The following DSCAM variants were observed in gnomAD, a reference collection of about 807,000 sequenced individuals.
DSCAM encodes DS cell adhesion molecule.
In DSCAM, 47 loss-of-function variants were observed where a neutral mutation model predicts 217.7. The ratio of observed to expected loss-of-function variants is 0.22; its 90% CI spans 0.17 to 0.28. DSCAM has a LOEUF of 0.28. DSCAM is among the 10% of genes least tolerant of loss of function. The pLI, the probability that DSCAM is intolerant of heterozygous loss-of-function variation, is 1.00. For missense variants in DSCAM, 2,080 were observed against 2,618.3 expected, an observed-to-expected ratio of 0.79 and a Z score of 4.49; for synonymous variants, 1,056 against 1,015.3, an observed-to-expected ratio of 1.04 and a Z score of -0.76.
At chr21:40,357,562 C>T (rs1363758680) in intron 4 of DSCAM, among the ~76,000 whole-genome samples, 1 of 152,116 alleles carries the variant, frequency 6.6e-6, no homozygotes, top group African/African-American at 2.4e-5. Flanking sequence ...AACACCATTG[C>T]AATATTGTTT....
intron 3 of DSCAM, among the ~76,000 whole-genome samples, chr21:40,476,429 A>G (rs1037200194): frequency 3.3e-5 from 5 of 152,226 alleles, no homozygotes; most frequent in African/African-American, 1.2e-4. Flanking sequence ...TGCATGCAAA[A>G]TGCACAGGTA....
chr21:40,757,059 C>T (rs2146574636), intron 1 of DSCAM, among the ~76,000 whole-genome samples: 1 of 152,006 alleles, frequency 6.6e-6, no homozygotes, highest in South Asian at 2.1e-4. Context: ...GAGTCTTGCT[C>T]TGTTGCCCAG....
At chr21:40,030,573 A>G (rs936669103) in intron 32 of DSCAM, among the ~76,000 whole-genome samples, 3 of 152,178 alleles carry the variant, frequency 2.0e-5, no homozygotes, top group African/African-American at 7.2e-5. Flanking sequence ...AGGGATCAAG[A>G]GTTCCCTCTG....
Position 40,720,373 on chromosome 21 carries a change from G to A in DSCAM, c.44-11602C>T, listed in dbSNP as rs559531700. On this transcript the variant is annotated intron_variant, in intron 1 of 32. Transcript: ENST00000400454. ...ATGCTTAGAAATTCAGTGTCATCTC[G>A]ATCAGACAATCACAAATCAGTTAAA... is the stretch of plus-strand genomic sequence containing the variant. Among the ~76,000 whole-genome samples, 15 of 152,224 alleles carry A rather than the reference G, an allele frequency of 9.9e-5. No homozygotes were observed. The South Asian group carries it at 1.5e-3, about 15-fold the overall frequency.
Position 40,347,952 on chromosome 21 carries a change from G to A in DSCAM, c.935-7C>T. The A allele has an allele frequency of 6.2e-7, 1 of 1,607,750 alleles. No homozygotes were observed. The highest frequency in any genetic ancestry group is 8.5e-7 in the Non-Finnish European group (1 of 1,176,134). On this transcript the variant is annotated splice_polypyrimidine_tract_variant and splice_region_variant and intron_variant, in intron 5 of 32. Transcript: ENST00000400454. ...ATGGTGGCTTTCAGTGGCTCTGGAG[G>A]TTTTAGTAAGAGAGAGAGAAAAAAG...
intron 3 of DSCAM, among the ~76,000 whole-genome samples, chr21:40,516,869 C>T (rs1417333153): frequency 6.8e-6 from 1 of 147,114 alleles, no homozygotes; most frequent in Non-Finnish European, 1.5e-5. Flanking sequence ...CGGATACACA[C>T]ACATGCGCAC....
chr21:40,837,281 C>T (rs1212602543), intron 1 of DSCAM, among the ~76,000 whole-genome samples: 1 of 152,204 alleles, frequency 6.6e-6, no homozygotes, highest in African/African-American at 2.4e-5. Flanking sequence ...CTCCCATCCT[C>T]AGCAATGGGG....
intron 19 of DSCAM, among the ~76,000 whole-genome samples, chr21:40,129,665 A>ACTAC (rs2090135077): frequency 6.6e-6 from 1 of 152,220 alleles, no homozygotes; most frequent in South Asian, 2.1e-4. Flanking sequence ...CACATGGCAC[A>ACTAC]CTACCATAGG....
chr21:40,142,056 AACAGGAG>A (rs1426193067), intron 18 of DSCAM, among the ~76,000 whole-genome samples: 1 of 151,740 alleles, frequency 6.6e-6, no homozygotes, highest in Non-Finnish European at 1.5e-5. Context: ...GAGAAAGAGA[AACAGGAG>A]ACAAAACGGG....
rs140251342 is a variant in DSCAM, at chr21:40,382,387, A to G, written c.509-13142T>C. On this transcript the variant is annotated intron_variant, in intron 3 of 32. Transcript: ENST00000400454. Reference sequence around the variant, plus strand: ...CTTGTATCATTTCCTTGGACATGACACATTTTTTCCCACCTCAAACACATG... The same window carrying G: ...CTTGTATCATTTCCTTGGACATGACGCATTTTTTCCCACCTCAAACACATG... Among the ~76,000 whole-genome samples the G allele has an allele frequency of 1.6e-3, 250 of 152,280 alleles. 2 individuals are homozygous for G. The highest frequency in any genetic ancestry group is 2.8e-3 in the Non-Finnish European group (192 of 68,032).
chr21:40,017,946 A>G (rs998276021), intron 32 of DSCAM, among the ~76,000 whole-genome samples: 2 of 152,268 alleles, frequency 1.3e-5, no homozygotes, highest in African/African-American at 4.8e-5. Flanking sequence ...TTAGAAAAAT[A>G]TAATGGCATG....
At position 40,276,180 on chromosome 21, in the gene DSCAM, T is replaced by A; in HGVS notation, c.2273A>T (p.Glu758Val). 6.2e-7 allele frequency: 1 copy of A among 1,613,500 alleles called. No homozygotes were observed. The change falls in exon 11 of 33, where the codon GAG becomes GTG. Residue 758 changes from glutamate (E) to valine (V), a missense_variant. Physicochemically the swap from Glu to Val is moderately radical, Grantham distance 121 (BLOSUM62 -2). Coordinates refer to ENST00000400454, the MANE Select transcript of DSCAM (RefSeq NM_001389.5). The part of the protein sequence containing the change: ...NGSLLIKHVV[E>V]EDSGYYLCKV... ...GCAGAGGTAGTAGCCACTGTCTTCC[T>A]CCACGACATGCTTGATCAGCAACGA...
At position 40,087,183 on chromosome 21, in the gene DSCAM, A is replaced by G; in HGVS notation, c.3955T>C (p.Trp1319Arg). Residue 1319 changes from tryptophan to arginine, a missense_variant, in exon 22 of 33, where the codon TGG becomes CGG. Coordinates refer to ENST00000400454, the MANE Select transcript of DSCAM (RefSeq NM_001389.5). ...GTTACTGGTTACCTGTCTTTCATCC[A>G]TTTGACTGCAGGAGAAGGGTCCCCA... ...AVGDPSPAVK[W>R]MKDSNGTPSL... 6.2e-7 allele frequency: 1 copy of G among 1,613,326 alleles called. No individual in the cohort carries two copies. The highest frequency in any genetic ancestry group is 8.5e-7 in the Non-Finnish European group (1 of 1,179,248).
intron 11 of DSCAM, among the ~76,000 whole-genome samples, chr21:40,199,242 C>T (rs926788632): frequency 1.3e-5 from 2 of 152,174 alleles, no homozygotes; most frequent in African/African-American, 4.8e-5. Context: ...GGTCCCTATT[C>T]CTTACATCAC....
intron 3 of DSCAM, among the ~76,000 whole-genome samples, chr21:40,514,715 C>T (rs570743325): frequency 6.6e-6 from 1 of 152,140 alleles, no homozygotes; most frequent in Non-Finnish European, 1.5e-5. Flanking sequence ...TGCTTTCATT[C>T]CTTATTTTCG....
At chr21:40,169,360 A>T (rs539407981) in intron 15 of DSCAM, among the ~76,000 whole-genome samples, 2 of 152,288 alleles carry the variant, frequency 1.3e-5, no homozygotes, top group African/African-American at 4.8e-5. Flanking sequence ...GGGCTTTGGA[A>T]CAAAACAAAG....
chr21:40,032,003 CTACAACTCCACAAA>C (rs1308411733), intron 32 of DSCAM, among the ~76,000 whole-genome samples: 1 of 152,238 alleles, frequency 6.6e-6, no homozygotes, highest in Non-Finnish European at 1.5e-5. Context: ...TTCTGGCCTC[CTACAACTCCACAAA>C]TATACCTTCC....
intron 3 of DSCAM, among the ~76,000 whole-genome samples, chr21:40,399,467 T>C (rs923277334): frequency 1.2e-4 from 18 of 152,234 alleles, no homozygotes; most frequent in African/African-American, 4.3e-4. Flanking sequence ...CTGGAGAGCC[T>C]GGATTGTCAA....
At chr21:40,784,099 T>C (rs1226024663) in intron 1 of DSCAM, among the ~76,000 whole-genome samples, 19 of 150,746 alleles carry the variant, frequency 1.3e-4, no homozygotes, top group Admixed American at 4.0e-4. Flanking sequence ...TTTATAACTA[T>C]TTATTATTCA....
Sources: allele counts gnomAD v4.1 joint callset (sites outside exome capture counted in the v4.1 genomes callset), GRCh38; gene constraint gnomAD v4.1.1; transcripts MANE v1.5; gene names NCBI Gene and HGNC (gene_info 2026-07-23, HGNC 2026-07-21).